The following LZTFL1 variants were observed in gnomAD, a reference collection of about 807,000 sequenced individuals.
The protein encoded by LZTFL1 is leucine zipper transcription factor-like protein 1.
Under a neutral mutation model 45.9 loss-of-function variants are expected in LZTFL1, and 25 were observed. That is an observed-to-expected ratio of 0.54 (90% confidence interval 0.40 to 0.76). LZTFL1 has a LOEUF of 0.76. Among genes scored for constraint, LZTFL1 ranks in the 30% least tolerant of loss-of-function variants. The pLI, the probability that LZTFL1 is intolerant of heterozygous loss-of-function variation, is 0.00. For synonymous variants in LZTFL1, 93 were observed against 117.4 expected (o/e 0.79, Z 1.35); for missense variants, 277 against 331.1 (o/e 0.84, Z 1.27).
intron 2 of LZTFL1, among the ~76,000 whole-genome samples, chr3:45,864,552 G>A (rs1213693832): frequency 6.6e-6 from 1 of 152,164 alleles, no homozygotes; most frequent in Non-Finnish European, 1.5e-5. Context: ...AAACATTTAT[G>A]CCAATGTTCA....
chr3:45,861,638 G>A (rs1422444239), intron 2 of LZTFL1, among the ~76,000 whole-genome samples: 1 of 152,162 alleles, frequency 6.6e-6, no homozygotes, highest in Non-Finnish European at 1.5e-5. Context: ...ATGTGTGTGT[G>A]TGTTTGCATT....
rs908521633 is a variant in LZTFL1 at position 45,857,632 on chromosome 3, A to T, written c.-138+1308T>A. On this transcript the variant is annotated intron_variant, in intron 3 of 4. Transcript: ENST00000472635. ...AAAATTGCCTAATAGACTAAAACTCAATTTTAAATATTTAAAGTAAACATT... is the reference window on the plus strand; with the variant it reads ...AAAATTGCCTAATAGACTAAAACTCTATTTTAAATATTTAAAGTAAACATT... Among the ~76,000 whole-genome samples, 11 of 152,254 alleles carry T rather than the reference A, an allele frequency of 7.2e-5. 1 individual carries two copies. Among genetic ancestry groups the T allele is most frequent in the Admixed American group, 2.6e-4 (4 of 15,290 alleles).
In LZTFL1 at chr3:45,900,783, C is replaced by T; in HGVS notation, c.-215+12337G>A. The T allele has an allele frequency of 1.3e-6, 2 of 1,587,642 alleles. No individual in the cohort carries two copies. Among genetic ancestry groups the T allele is most frequent in the Non-Finnish European group, 1.7e-6 (2 of 1,165,426 alleles). ...GGACCTTCAAAATATTTTCCTTGAC[C>T]TAATGCCATCTTGTGTCCCCTTGCA... On this transcript the variant is annotated intron_variant, in intron 2 of 4. Coordinates refer to the LZTFL1 transcript ENST00000472635. This position sits in a 1 kb window ranked among gnomAD's most constrained non-coding sequence, Gnocchi z 4.7.
intron 1 of LZTFL1, among the ~76,000 whole-genome samples, chr3:45,838,779 CTGA>C (rs1461137067): frequency 6.6e-6 from 1 of 152,168 alleles, no homozygotes; most frequent in Non-Finnish European, 1.5e-5. Context: ...AATTAAGCTG[CTGA>C]TGAGATTTAC....
At chr3:45,885,765 A>C (rs1701965477) in intron 2 of LZTFL1, among the ~76,000 whole-genome samples, 1 of 152,250 alleles carries the variant, frequency 6.6e-6, no homozygotes, top group African/African-American at 2.4e-5. Context: ...TCTGTTGCCC[A>C]GGGTGGAGTG....
chr3:45,896,508 A>G (rs1211085762), intron 2 of LZTFL1, among the ~76,000 whole-genome samples: 1 of 152,190 alleles, frequency 6.6e-6, no homozygotes, highest in Non-Finnish European at 1.5e-5. Context: ...TCAGCGTCAC[A>G]GTAAAGGCAG....
chr3:45,906,920 C>T (rs1444736961), intron 2 of LZTFL1, among the ~76,000 whole-genome samples: 2 of 152,170 alleles, frequency 1.3e-5, no homozygotes, highest in South Asian at 4.1e-4. Context: ...GATGCAAGAC[C>T]GATGAATAAA....
intron 2 of LZTFL1, among the ~76,000 whole-genome samples, chr3:45,881,054 A>G (rs1701848050): frequency 6.6e-6 from 1 of 152,258 alleles, no homozygotes; most frequent in African/African-American, 2.4e-5. Flanking sequence ...TTTATCATTA[A>G]TAGATGAGAC....
chr3:45,906,366 C>A (rs1382191495), intron 2 of LZTFL1, among the ~76,000 whole-genome samples: 3 of 152,200 alleles, frequency 2.0e-5, no homozygotes, highest in Non-Finnish European at 2.9e-5. Context: ...GAGGAAGGAG[C>A]TGAGCCTCAG....
chr3:45,830,884 G>A (rs1159720684), intron 7 of LZTFL1, 29 bp downstream of exon 7: 6 of 1,587,504 alleles, frequency 3.8e-6, no homozygotes, highest in Non-Finnish European at 5.2e-6. Flanking sequence ...CTTAGAAAAT[G>A]TGAGAAAGGT....
At chr3:45,904,864 T>G (rs1702646822) in intron 2 of LZTFL1, among the ~76,000 whole-genome samples, 1 of 152,190 alleles carries the variant, frequency 6.6e-6, no homozygotes, top group Non-Finnish European at 1.5e-5. Context: ...TCACAAGAAC[T>G]GGAGCTTCTT....
intron 2 of LZTFL1, among the ~76,000 whole-genome samples, chr3:45,870,834 G>A (rs979514992): frequency 1.8e-4 from 27 of 152,202 alleles, no homozygotes; most frequent in African/African-American, 6.3e-4. Context: ...GCTAAGCACT[G>A]TGGCTATTTG....
rs572794450 is a variant in LZTFL1, at chr3:45,897,992, A to C, written c.-215+15128T>G. Among the ~76,000 whole-genome samples, 218 of 149,528 alleles carry C rather than the reference A, an allele frequency of 1.5e-3. 1 individual carries two copies. The highest frequency in any genetic ancestry group is 9.5e-3 in the East Asian group (47 of 4,938). Reference sequence around the variant, plus strand: ...TATTTGACCAAAAAAAAAAAAAAAAAACACACAAAACACAAAACACCAACC... The same window carrying C: ...TATTTGACCAAAAAAAAAAAAAAAACACACACAAAACACAAAACACCAACC... On this transcript the variant is annotated intron_variant, in intron 2 of 4. Transcript: ENST00000472635.
At chr3:45,915,507 G>A (rs137975488) in exon 1 of LZTFL1, 437 of 456,380 alleles carry the variant, frequency 9.6e-4, no homozygotes, top group Non-Finnish European at 1.5e-3. Flanking sequence ...AGCAGAAAGC[G>A]GGGGAGACCT....
At chr3:45,913,251 G>T in intron 1 of LZTFL1, 3 of 1,097,348 alleles carry the variant, frequency 2.7e-6, no homozygotes, top group Non-Finnish European at 2.6e-6. Flanking sequence ...GCTGCAATGA[G>T]CTGATCTTTC....
intron 2 of LZTFL1, among the ~76,000 whole-genome samples, chr3:45,884,951 G>A (rs1701940590): frequency 6.6e-6 from 1 of 151,760 alleles, no homozygotes; most frequent in African/African-American, 2.4e-5. Flanking sequence ...TATTTGCAAT[G>A]AGCGCCCGCC....
intron 2 of LZTFL1, among the ~76,000 whole-genome samples, chr3:45,871,674 ATT>A (rs34195376): frequency 6.7e-4 from 100 of 150,160 alleles, no homozygotes; most frequent in Middle Eastern, 3.5e-3. Context: ...GTGTATGTGC[ATT>A]TTTTTTTTTC....
chr3:45,859,631 T>A (rs949961918), intron 2 of LZTFL1, among the ~76,000 whole-genome samples: 1 of 149,898 alleles, frequency 6.7e-6, no homozygotes, highest in Non-Finnish European at 1.5e-5. Flanking sequence ...ACAGAGAACA[T>A]TACATGGCTT....
chr3:45,881,903 G>A lies in LZTFL1; in HGVS notation c.-214-22887C>T, dbSNP rs116487913. On this transcript the variant is annotated intron_variant, in intron 2 of 4. Transcript: ENST00000472635. ...AGCTGCTGAATAGCAGGTTGGTCTGGACCTGTACAATCCACTAGGGTGGCC... is the reference window on the plus strand; with the variant it reads ...AGCTGCTGAATAGCAGGTTGGTCTGAACCTGTACAATCCACTAGGGTGGCC... Among the ~76,000 whole-genome samples, 810 of 152,324 alleles carry A rather than the reference G, an allele frequency of 5.3e-3. 8 individuals carry two copies. Among genetic ancestry groups the A allele is most frequent in the African/African-American group, 0.018 (755 of 41,580 alleles).
Sources: allele counts gnomAD v4.1 joint callset (sites outside exome capture counted in the v4.1 genomes callset), GRCh38; gene constraint gnomAD v4.1.1; non-coding constraint Gnocchi (gnomAD v3.1); transcripts MANE v1.5; gene names NCBI Gene and HGNC (gene_info 2026-07-23, HGNC 2026-07-21).